Variants in HSPA1A observed in about 807,000 individuals in gnomAD.
HSPA1A encodes heat shock protein family A (Hsp70) member 1A.
In HSPA1A, 5 loss-of-function variants were observed where a neutral mutation model predicts 8.8. The observed-to-expected ratio is 0.57, with a 90% CI of 0.30 to 1.19. HSPA1A has a LOEUF of 1.19. Ranked by LOEUF, HSPA1A falls within the 50% of genes most tolerant of loss-of-function variation. The pLI is 0.08. For synonymous variants in HSPA1A, 112 were observed against 188.4 expected, an observed-to-expected ratio of 0.59 and a Z score of 3.32; for missense variants, 207 against 430.7, an observed-to-expected ratio of 0.48 and a Z score of 4.60.
In HSPA1A at chr6:31,817,802, C is replaced by T; in HGVS notation, c.*120C>T. 2 of 1,479,802 alleles carry T rather than the reference C, an allele frequency of 1.4e-6. No individual in the cohort carries two copies. The highest frequency in any genetic ancestry group is 5.4e-5 in the Admixed American group (2 of 37,154). 91.7% of individuals were successfully genotyped at this position (1,479,802 alleles called of 1,614,324 possible). A position where few individuals can be genotyped will look rare whatever the true frequency, so the allele number is the denominator to read the frequency against. On this transcript the variant is annotated 3_prime_UTR_variant, in exon 1 of 1. Coordinates refer to ENST00000375651, the MANE Select transcript of HSPA1A (RefSeq NM_005345.6). ...AATGTTGAAATTTTTTGGTGAAGTA[C>T]TGAACTTGCTTTTTTTCCGGTTTCT...
At position 31,815,715 on chromosome 6, in the gene HSPA1A, C is replaced by T. The variant is rs1815897117; in HGVS notation, c.-42C>T. 1.9e-6 allele frequency: 3 copies of T among 1,613,710 alleles called. No individual in the cohort carries two copies. Among genetic ancestry groups the T allele is most frequent in the African/African-American group, 2.7e-5 (2 of 74,946 alleles). Reference sequence around the variant, plus strand: ...GCGGATCCAGTGTTCCGTTTCCAGCCCCCAATCTCAGAGCGGAGCCGACAG... The same window carrying T: ...GCGGATCCAGTGTTCCGTTTCCAGCTCCCAATCTCAGAGCGGAGCCGACAG... On this transcript the variant is annotated 5_prime_UTR_variant, in exon 1 of 1. Coordinates refer to ENST00000375651, the MANE Select transcript of HSPA1A (RefSeq NM_005345.6).
In HSPA1A at chr6:31,815,619, A is replaced by G; in HGVS notation, c.-138A>G. ...GACTCCCGTTGTCCCAAGGCTTCCC[A>G]GAGCGAACCTGTGCGGCTGCAGGCA... On this transcript the variant is annotated 5_prime_UTR_variant, in exon 1 of 1. Coordinates refer to ENST00000375651, the MANE Select transcript of HSPA1A (RefSeq NM_005345.6). 2 of 1,600,442 alleles carry G rather than the reference A, an allele frequency of 1.2e-6. No homozygotes were observed. The highest frequency in any genetic ancestry group is 1.7e-6 in the Non-Finnish European group (2 of 1,172,562).
rs1207565253 is a variant in HSPA1A at position 31,817,343 on chromosome 6, C to T, written c.1587C>T (p.Asp529=). 5 of 1,582,926 alleles carry T rather than the reference C, an allele frequency of 3.2e-6. No individual in the cohort carries two copies. The highest frequency in any genetic ancestry group is 1.8e-5 in the Admixed American group (1 of 54,820). The part of the protein sequence containing the change: ...VQEAEKYKAE[D]EVQRERVSAK... ...AGGCGGAGAAGTACAAAGCGGAGGACGAGGTGCAGCGCGAGAGGGTGTCAG... is the reference window on the plus strand; with the variant it reads ...AGGCGGAGAAGTACAAAGCGGAGGATGAGGTGCAGCGCGAGAGGGTGTCAG... Residue 529 remains aspartate, a synonymous_variant, in exon 1 of 1, where the codon GAC becomes GAT. Coordinates refer to ENST00000375651, the MANE Select transcript of HSPA1A (RefSeq NM_005345.6).
In HSPA1A at chr6:31,817,785, A is replaced by C. The variant is rs1410250301; in HGVS notation, c.*103A>C. ...CAATTTCCTGTGTTTGCAATGTTGA[A>C]ATTTTTTGGTGAAGTACTGAACTTG... On this transcript the variant is annotated 3_prime_UTR_variant, in exon 1 of 1. Coordinates refer to ENST00000375651, the MANE Select transcript of HSPA1A (RefSeq NM_005345.6). The C allele has an allele frequency of 9.9e-6, 15 of 1,508,700 alleles. No individual in the cohort carries two copies. The highest frequency in any genetic ancestry group is 1.1e-5 in the Non-Finnish European group (13 of 1,132,150). 93.5% of individuals were successfully genotyped at this position (1,508,700 alleles called of 1,614,324 possible).
In HSPA1A at chr6:31,817,328, G is replaced by A. The variant is rs1277680027; in HGVS notation, c.1572G>A (p.Lys524=). 6.4e-7 allele frequency: 1 copy of A among 1,567,306 alleles called. No individual in the cohort carries two copies. ...EIERMVQEAE[K]YKAEDEVQRE... ...AGCGCATGGTGCAGGAGGCGGAGAAGTACAAAGCGGAGGACGAGGTGCAGC... is the reference window on the plus strand; with the variant it reads ...AGCGCATGGTGCAGGAGGCGGAGAAATACAAAGCGGAGGACGAGGTGCAGC... Residue 524 remains lysine, a synonymous_variant, in exon 1 of 1, where the codon AAG becomes AAA. Transcript: ENST00000375651.
rs1815922210 is a variant in HSPA1A, at chr6:31,815,871, C to A, written c.115C>A (p.Pro39Thr). 1.2e-6 allele frequency: 2 copies of A among 1,606,772 alleles called. No homozygotes were observed. The highest frequency in any genetic ancestry group is 1.7e-6 in the Non-Finnish European group (2 of 1,177,974). The change falls in exon 1 of 1, where the codon CCC (proline) becomes ACC (threonine). Residue 39 changes from proline to threonine, a missense_variant. By Grantham distance (38) the Pro-to-Thr change is conservative. Around this residue, in one of 5 missense-constraint regions of HSPA1A, gnomAD observed 129 missense variants for 173.1 expected, o/e 0.75. Coordinates refer to ENST00000375651, the MANE Select transcript of HSPA1A (RefSeq NM_005345.6). Reference sequence around the variant, plus strand: ...CAACGACCAGGGCAACCGCACCACCCCCAGCTACGTGGCCTTCACGGACAC... The same window carrying A: ...CAACGACCAGGGCAACCGCACCACCACCAGCTACGTGGCCTTCACGGACAC... The part of the protein sequence containing the change: ...IANDQGNRTT[P>T]SYVAFTDTER...
In HSPA1A at chr6:31,816,045, G is replaced by A. The variant is rs1815944033; in HGVS notation, c.289G>A (p.Asp97Asn). ...MKHWPFQVIN[D>N]GDKPKVQVSY... ...GCACTGGCCTTTCCAGGTGATCAAC[G>A]ACGGAGACAAGCCCAAGGTGCAGGT... The change falls in exon 1 of 1, where the codon GAC becomes AAC. Residue 97 changes from aspartate (D) to asparagine (N), a missense_variant. By Grantham distance (23) the Asp-to-Asn change is conservative. Around this residue, in one of 5 missense-constraint regions of HSPA1A, gnomAD observed 129 missense variants for 173.1 expected, o/e 0.75. Transcript: ENST00000375651. 6.4e-6 allele frequency: 6 copies of A among 936,532 alleles called. No individual in the cohort carries two copies. The South Asian group carries it at 8.2e-5, about 13-fold the overall frequency. The allele number at this position is 936,532 out of a possible 1,614,324, so 58.0% of individuals were successfully genotyped here.
Position 31,816,158 on chromosome 6 carries a change from C to G in HSPA1A, c.402C>G (p.Tyr134Ter). The G allele has an allele frequency of 4.4e-6, 2 of 456,660 alleles. No individual in the cohort carries two copies. The highest frequency in any genetic ancestry group is 1.1e-4 in the Admixed American group (2 of 18,870). 28.3% of individuals were successfully genotyped at this position (456,660 alleles called of 1,614,324 possible). ...LTKMKEIAEA[Y>*]LGYPVTNAVI... Reference sequence around the variant, plus strand: ...AGATGAAGGAGATCGCCGAGGCGTACCTGGGCTACCCGGTGACCAACGCGG... The same window carrying G: ...AGATGAAGGAGATCGCCGAGGCGTAGCTGGGCTACCCGGTGACCAACGCGG... Residue 134 changes from tyrosine to a stop codon, truncating the protein, a stop_gained, in exon 1 of 1, where the codon TAC (tyrosine) becomes TAG (stop). Transcript: ENST00000375651. LOFTEE classifies it high-confidence loss of function.
chr6:31,816,286 C>G lies in HSPA1A; in HGVS notation c.530C>G (p.Thr177Arg). The change falls in exon 1 of 1, where the codon ACG becomes AGG. Residue 177 changes from threonine to arginine, a missense_variant. Thr to Arg is a moderately conservative substitution (Grantham distance 71). This residue lies in a region of HSPA1A where 6 missense variants were observed against 109.6 expected (regional missense o/e 0.05). Coordinates refer to ENST00000375651, the MANE Select transcript of HSPA1A (RefSeq NM_005345.6). ...GTGCTGCGGATCATCAACGAGCCCA[C>G]GGCCGCCGCCATCGCCTACGGCCTG... The part of the protein sequence containing the change: ...LNVLRIINEP[T>R]AAAIAYGLDR... The G allele has an allele frequency of 7.5e-6, 2 of 267,636 alleles. No homozygotes were observed. The allele number at this position is 267,636 out of a possible 1,614,324, so 16.6% of individuals were successfully genotyped here.
chr6:31,815,636 C>A lies in HSPA1A; in HGVS notation c.-121C>A. 6.2e-7 allele frequency: 1 copy of A among 1,610,104 alleles called. No homozygotes were observed. The highest frequency in any genetic ancestry group is 8.5e-7 in the Non-Finnish European group (1 of 1,178,456). On this transcript the variant is annotated 5_prime_UTR_variant, in exon 1 of 1. The change creates a new upstream start codon in the 5' untranslated region. Coordinates refer to ENST00000375651, the MANE Select transcript of HSPA1A (RefSeq NM_005345.6). Reference sequence around the variant, plus strand: ...GGCTTCCCAGAGCGAACCTGTGCGGCTGCAGGCACCGGCGCGTCGAGTTTC... The same window carrying A: ...GGCTTCCCAGAGCGAACCTGTGCGGATGCAGGCACCGGCGCGTCGAGTTTC...
rs765239235 is a variant in HSPA1A at position 31,817,580 on chromosome 6, C to T, written c.1824C>T (p.Ser608=). 8.1e-6 allele frequency: 13 copies of T among 1,612,642 alleles called. No individual in the cohort carries two copies. Among genetic ancestry groups the T allele is most frequent in the Non-Finnish European group, 1.1e-5 (13 of 1,179,994 alleles). The change falls in exon 1 of 1, where the codon AGC becomes AGT. Residue 608 remains serine, a synonymous_variant. Coordinates refer to ENST00000375651, the MANE Select transcript of HSPA1A (RefSeq NM_005345.6). ...ELEQVCNPII[S]GLYQGAGGPG... ...AGCAGGTGTGTAACCCCATCATCAGCGGACTGTACCAGGGTGCCGGTGGTC... is the reference window on the plus strand; with the variant it reads ...AGCAGGTGTGTAACCCCATCATCAGTGGACTGTACCAGGGTGCCGGTGGTC...
In HSPA1A at chr6:31,815,673, A is replaced by C; in HGVS notation, c.-84A>C. 1 of 1,613,326 alleles carries C rather than the reference A, an allele frequency of 6.2e-7. No homozygotes were observed. Among genetic ancestry groups the C allele is most frequent in the Admixed American group, 1.7e-5 (1 of 60,016 alleles). ...GCGCGTCGAGTTTCCGGCGTCCGGA[A>C]GGACCGAGCTCTTCTCGCGGATCCA... is the stretch of plus-strand genomic sequence containing the variant. On this transcript the variant is annotated 5_prime_UTR_variant, in exon 1 of 1. Coordinates refer to ENST00000375651, the MANE Select transcript of HSPA1A (RefSeq NM_005345.6).
chr6:31,817,787 T>A lies in HSPA1A; in HGVS notation c.*105T>A. On this transcript the variant is annotated 3_prime_UTR_variant, in exon 1 of 1. Coordinates refer to ENST00000375651, the MANE Select transcript of HSPA1A (RefSeq NM_005345.6). ...ATTTCCTGTGTTTGCAATGTTGAAA[T>A]TTTTTGGTGAAGTACTGAACTTGCT... The A allele has an allele frequency of 1.3e-6, 2 of 1,505,832 alleles. No homozygotes were observed. Among genetic ancestry groups the A allele is most frequent in the Non-Finnish European group, 1.8e-6 (2 of 1,130,596 alleles). 93.3% of individuals were successfully genotyped at this position (1,505,832 alleles called of 1,614,324 possible). A position where few individuals can be genotyped will look rare whatever the true frequency, so the allele number is the denominator to read the frequency against.
rs1815879978 is a variant in HSPA1A, at chr6:31,815,612, G to A, written c.-145G>A. On this transcript the variant is annotated 5_prime_UTR_variant, in exon 1 of 1. Transcript: ENST00000375651. Reference sequence around the variant, plus strand: ...CGAGAGTGACTCCCGTTGTCCCAAGGCTTCCCAGAGCGAACCTGTGCGGCT... The same window carrying A: ...CGAGAGTGACTCCCGTTGTCCCAAGACTTCCCAGAGCGAACCTGTGCGGCT... 1 of 1,590,046 alleles carries A rather than the reference G, an allele frequency of 6.3e-7. No homozygotes were observed. Among genetic ancestry groups the A allele is most frequent in the Non-Finnish European group, 8.6e-7 (1 of 1,165,728 alleles).
Position 31,817,535 on chromosome 6 carries a change from G to A in HSPA1A, c.1779G>A (p.Glu593=). The A allele has an allele frequency of 2.5e-6, 4 of 1,612,722 alleles. No individual in the cohort carries two copies. The highest frequency in any genetic ancestry group is 3.4e-6 in the Non-Finnish European group (4 of 1,179,992). Residue 593 remains glutamate, a synonymous_variant, in exon 1 of 1, where the codon GAG becomes GAA. Coordinates refer to ENST00000375651, the MANE Select transcript of HSPA1A (RefSeq NM_005345.6). ...ANTLAEKDEF[E]HKRKELEQVC... is the part of the protein sequence containing the mutation. ...CCTTGGCCGAGAAGGACGAGTTTGA[G>A]CACAAGAGGAAGGAGCTGGAGCAGG...
chr6:31,815,944 C>T lies in HSPA1A; in HGVS notation c.188C>T (p.Pro63Leu). 3 of 1,536,828 alleles carry T rather than the reference C, an allele frequency of 2.0e-6. No individual in the cohort carries two copies. Among genetic ancestry groups the T allele is most frequent in the Non-Finnish European group, 2.6e-6 (3 of 1,138,144 alleles). The change falls in exon 1 of 1, where the codon CCG becomes CTG. Residue 63 changes from proline (P) to leucine (L), a missense_variant. Coordinates refer to ENST00000375651, the MANE Select transcript of HSPA1A (RefSeq NM_005345.6). ...GCCAAGAACCAGGTGGCGCTGAACCCGCAGAACACCGTGTTTGACGCGAAG... is the reference window on the plus strand; with the variant it reads ...GCCAAGAACCAGGTGGCGCTGAACCTGCAGAACACCGTGTTTGACGCGAAG... ...DAAKNQVALN[P>L]QNTVFDAKRL...
At position 31,815,651 on chromosome 6, in the gene HSPA1A, C is replaced by A; in HGVS notation, c.-106C>A. 1.2e-6 allele frequency: 2 copies of A among 1,612,240 alleles called. No homozygotes were observed. The highest frequency in any genetic ancestry group is 8.5e-7 in the Non-Finnish European group (1 of 1,179,568). On this transcript the variant is annotated 5_prime_UTR_variant, in exon 1 of 1. Coordinates refer to ENST00000375651, the MANE Select transcript of HSPA1A (RefSeq NM_005345.6). The stretch of plus-strand genomic sequence containing the variant: ...ACCTGTGCGGCTGCAGGCACCGGCG[C>A]GTCGAGTTTCCGGCGTCCGGAAGGA...
rs1014963830 is a variant in HSPA1A, at chr6:31,817,778, A to G, written c.*96A>G. On this transcript the variant is annotated 3_prime_UTR_variant, in exon 1 of 1. Coordinates refer to ENST00000375651, the MANE Select transcript of HSPA1A (RefSeq NM_005345.6). The stretch of plus-strand genomic sequence containing the variant: ...CAGTTCTCAATTTCCTGTGTTTGCA[A>G]TGTTGAAATTTTTTGGTGAAGTACT... The G allele has an allele frequency of 9.9e-6, 15 of 1,516,964 alleles. No homozygotes were observed. The highest frequency in any genetic ancestry group is 1.3e-5 in the Non-Finnish European group (15 of 1,136,376). The allele number at this position is 1,516,964 out of a possible 1,614,324, so 94.0% of individuals were successfully genotyped here.
Position 31,815,567 on chromosome 6 carries a change from C to G in HSPA1A, c.-190C>G, listed in dbSNP as rs1339881875. On this transcript the variant is annotated 5_prime_UTR_variant, in exon 1 of 1. Coordinates refer to ENST00000375651, the MANE Select transcript of HSPA1A (RefSeq NM_005345.6). ...TAACGGCTAGCCTGAGGAGCTGCTG[C>G]GACAGTCCACTACCTTTTTCGAGAG... The G allele has an allele frequency of 2.9e-6, 4 of 1,379,106 alleles. No individual in the cohort carries two copies. The highest frequency in any genetic ancestry group is 2.0e-5 in the Admixed American group (1 of 50,412). The allele number at this position is 1,379,106 out of a possible 1,614,324, so 85.4% of individuals were successfully genotyped here.
Sources: allele counts gnomAD v4.1 joint callset, GRCh38; gene constraint gnomAD v4.1.1; regional missense constraint gnomAD v4.1.1; transcripts MANE v1.5; gene names NCBI Gene and HGNC (gene_info 2026-07-23, HGNC 2026-07-21).